The following GRAMD4 variants were observed in gnomAD, a reference collection of about 807,000 sequenced individuals.
GRAMD4 encodes GRAM domain-containing protein 4.
GRAMD4 carries 25 observed loss-of-function variants against 83.9 expected under a neutral mutation model. The observed-to-expected ratio is 0.30, with a 90% CI of 0.22 to 0.42. The LOEUF is 0.42. Ranked by LOEUF, GRAMD4 falls within the 10% of genes least tolerant of loss-of-function variation. The pLI is 1.00. For missense variants in GRAMD4, 593 were observed against 788.7 expected (o/e 0.75, Z 2.97); for synonymous variants, 336 against 320.9 (o/e 1.05, Z -0.50).
intron 5 of GRAMD4, 60 bp from the exon 6 acceptor site, chr22:46,662,980 C>T (rs2082351034): frequency 8.0e-6 from 12 of 1,504,862 alleles, no homozygotes; most frequent in Admixed American, 4.1e-5. Flanking sequence ...ATCCCGGAGC[C>T]GACCCCAGAA....
intron 1 of GRAMD4, among the ~76,000 whole-genome samples, chr22:46,614,226 C>T (rs1444062925): frequency 1.3e-5 from 2 of 152,222 alleles, no homozygotes; most frequent in Non-Finnish European, 1.5e-5. Flanking sequence ...GTGGCAGAAA[C>T]GCTGTGCAAT....
intron 4 of GRAMD4, among the ~76,000 whole-genome samples, chr22:46,658,960 C>T (rs1014862701): frequency 8.5e-5 from 13 of 152,136 alleles, no homozygotes; most frequent in African/African-American, 2.9e-4. Flanking sequence ...CCCTGCCCTG[C>T]GCCTCACAGT....
intron 1 of GRAMD4, chr22:46,577,361 GC>G: frequency 1.1e-6 from 1 of 931,438 alleles, no homozygotes; most frequent in Non-Finnish European, 1.3e-6. Context: ...TTTTGGGCTG[GC>G]GGCTCGCGAC....
At chr22:46,642,862 G>T (rs182397371) in intron 3 of GRAMD4, among the ~76,000 whole-genome samples, 24 of 152,110 alleles carry the variant, frequency 1.6e-4, no homozygotes, top group East Asian at 1.5e-3. Flanking sequence ...ATATTTTACC[G>T]CATTTGTCTG....
chr22:46,657,676 G>T (rs1023017007), intron 3 of GRAMD4, among the ~76,000 whole-genome samples: 1 of 152,212 alleles, frequency 6.6e-6, no homozygotes, highest in Non-Finnish European at 1.5e-5. Flanking sequence ...TGTCCAGCCT[G>T]CCCCGTGCTC....
At chr22:46,594,036 A>G (rs1397116209) in intron 1 of GRAMD4, among the ~76,000 whole-genome samples, 5 of 151,256 alleles carry the variant, frequency 3.3e-5, no homozygotes, top group Non-Finnish European at 7.4e-5. Flanking sequence ...TATTTTCGTT[A>G]TTTTTAATAA....
intron 1 of GRAMD4, among the ~76,000 whole-genome samples, chr22:46,590,783 G>A (rs772139787): frequency 1.3e-5 from 2 of 152,212 alleles, no homozygotes; most frequent in African/African-American, 4.8e-5. Context: ...GCCAGAGGCC[G>A]GGCACACTGG....
intron 1 of GRAMD4, among the ~76,000 whole-genome samples, chr22:46,580,967 CAAAA>C (rs558020415): frequency 1.2e-5 from 1 of 86,940 alleles, no homozygotes; most frequent in Non-Finnish European, 2.4e-5. Flanking sequence ...AACTCCATCT[CAAAA>C]AAAAAAAAAA....
At position 46,677,467 on chromosome 22, in the gene GRAMD4, C is replaced by G. The variant is rs536474193; in HGVS notation, c.*216C>G. 6 of 1,316,904 alleles carry G rather than the reference C, an allele frequency of 4.6e-6. No individual in the cohort carries two copies. The highest frequency in any genetic ancestry group is 4.1e-5 in the South Asian group (2 of 48,782). The allele number at this position is 1,316,904 out of a possible 1,614,324, so 81.6% of individuals were successfully genotyped here. On this transcript the variant is annotated 3_prime_UTR_variant, in exon 19 of 19. Coordinates refer to ENST00000406902, the MANE Select transcript of GRAMD4 (RefSeq NM_015124.5). Reference sequence around the variant, plus strand: ...GGGGGTGCCCCTCTCCCACAGGGCACGTCAGGTGCCTCTGAGGGCCACCCG... The same window carrying G: ...GGGGGTGCCCCTCTCCCACAGGGCAGGTCAGGTGCCTCTGAGGGCCACCCG...
intron 2 of GRAMD4, among the ~76,000 whole-genome samples, chr22:46,635,799 ACCCCCCCG>A (rs1569278118): frequency 9.0e-5 from 2 of 22,148 alleles, no homozygotes; most frequent in Non-Finnish European, 8.8e-5. Context: ...CCTGCCCCCC[ACCCCCCCG>A]GCCACTGGAT....
chr22:46,598,382 A>G (rs1602314054), intron 1 of GRAMD4, among the ~76,000 whole-genome samples: 1 of 152,154 alleles, frequency 6.6e-6, no homozygotes, highest in East Asian at 1.9e-4. Context: ...TGTGAGATGG[A>G]GAGCGGGAGG....
chr22:46,616,179 T>C (rs2081488732), upstream of GRAMD4, among the ~76,000 whole-genome samples: 1 of 109,362 alleles, frequency 9.1e-6, no homozygotes, highest in Non-Finnish European at 1.9e-5. Context: ...TGTGTGTACG[T>C]TCCCCTGTGT....
chr22:46,577,114 C>A (rs1602277347), upstream of GRAMD4: 1 of 176,842 alleles, frequency 5.7e-6, no homozygotes, highest in African/African-American at 2.4e-5. Context: ...GACGCGAGCG[C>A]GCGACCTGGC....
At chr22:46,609,912 G>A (rs935858136) in intron 1 of GRAMD4, among the ~76,000 whole-genome samples, 1 of 152,176 alleles carries the variant, frequency 6.6e-6, no homozygotes, top group Non-Finnish European at 1.5e-5. Context: ...GTGGACGGGG[G>A]CCTACACTGG....
intron 1 of GRAMD4, among the ~76,000 whole-genome samples, chr22:46,596,951 G>A (rs1167580075): frequency 6.6e-6 from 1 of 152,156 alleles, no homozygotes; most frequent in Non-Finnish European, 1.5e-5. Flanking sequence ...ATGGCTGCAG[G>A]GCTGGCTTAG....
At chr22:46,576,337 G>A (rs2081042449), upstream of GRAMD4, among the ~76,000 whole-genome samples, 1 of 152,290 alleles carries the variant, frequency 6.6e-6, no homozygotes, top group East Asian at 1.9e-4. Context: ...CCCCTTCACT[G>A]AGCAGTCTCC....
intron 1 of GRAMD4, among the ~76,000 whole-genome samples, chr22:46,593,476 C>G (rs558742865): frequency 6.6e-6 from 1 of 152,320 alleles, no homozygotes; most frequent in East Asian, 1.9e-4. Flanking sequence ...CCCCCCAACC[C>G]CTGCCGCAGG....
At chr22:46,652,076 T>C (rs1315195242) in intron 3 of GRAMD4, among the ~76,000 whole-genome samples, 7 of 152,270 alleles carry the variant, frequency 4.6e-5, no homozygotes, top group African/African-American at 1.7e-4. Flanking sequence ...GGCACACTCA[T>C]GGCCCCACAG....
rs1425718387 is a variant in GRAMD4 at position 46,598,949 on chromosome 22, T to A, written c.-50+21659T>A. Among the ~76,000 whole-genome samples, 3 of 151,686 alleles carry A rather than the reference T, an allele frequency of 2.0e-5. No individual in the cohort carries two copies. The East Asian group carries it at 5.8e-4, about 29-fold the overall frequency. On this transcript the variant is annotated intron_variant, in intron 1 of 1. Transcript: ENST00000431155. ...CCGCCCTGCACCCAGAGGGCTAGGG[T>A]TGGGGGTGGTGGGACTGTGAGCTCC...
Sources: gnomAD v4.1 joint callset for allele counts (sites outside exome capture counted in the v4.1 genomes callset) on GRCh38, gnomAD v4.1.1 for gene constraint, MANE v1.5 for transcripts, NCBI Gene and HGNC (gene_info 2026-07-23, HGNC 2026-07-21) for gene names.